GPC6: variants seen among roughly 807,000 people sequenced by gnomAD.
The protein encoded by GPC6 is glypican-6.
In GPC6, 14 loss-of-function variants were observed where a neutral mutation model predicts 55.2. The ratio of observed to expected loss-of-function variants is 0.25; its 90% CI spans 0.17 to 0.40. The LOEUF is 0.40. Among genes scored for constraint, GPC6 ranks in the 10% least tolerant of loss-of-function variants. The pLI is 1.00. For synonymous variants in GPC6, 278 were observed against 259.6 expected, an observed-to-expected ratio of 1.07 and a Z score of -0.68; for missense variants, 641 against 708.5, an observed-to-expected ratio of 0.90 and a Z score of 1.08.
intron 2 of GPC6, among the ~76,000 whole-genome samples, chr13:93,748,506 TACA>T (rs1005428794): frequency 2.6e-5 from 4 of 152,118 alleles, no homozygotes; most frequent in Non-Finnish European, 4.4e-5. Context: ...CAAAATAGTA[TACA>T]ACATTTCTAA....
At chr13:94,192,613 G>A (rs1395400436) in intron 4 of GPC6, among the ~76,000 whole-genome samples, 2 of 152,166 alleles carry the variant, frequency 1.3e-5, no homozygotes, top group Non-Finnish European at 2.9e-5. Flanking sequence ...TGTTTGTGAT[G>A]TTGACATATG....
intron 1 of GPC6, among the ~76,000 whole-genome samples, chr13:93,360,037 G>C (rs973577559): frequency 1.2e-4 from 19 of 152,106 alleles, no homozygotes; most frequent in African/African-American, 4.6e-4. Flanking sequence ...TTTTTTCAAA[G>C]GGGAAACTCA....
intron 7 of GPC6, among the ~76,000 whole-genome samples, chr13:94,395,286 A>G (rs999618565): frequency 2.6e-5 from 4 of 152,236 alleles, no homozygotes; most frequent in Admixed American, 6.5e-5. Flanking sequence ...AAAAGGCAGG[A>G]CAGAAGTTAT....
At chr13:93,585,513 C>A (rs1877151328) in intron 2 of GPC6, among the ~76,000 whole-genome samples, 1 of 152,156 alleles carries the variant, frequency 6.6e-6, no homozygotes, top group African/African-American at 2.4e-5. Context: ...TGTTTGAGAA[C>A]TGTTTGCCCT....
chr13:93,383,063 T>C (rs1457586743), intron 1 of GPC6, among the ~76,000 whole-genome samples: 1 of 152,184 alleles, frequency 6.6e-6, no homozygotes, highest in African/African-American at 2.4e-5. Context: ...CTCAGATCAA[T>C]GGGAAAGGCT....
intron 3 of GPC6, among the ~76,000 whole-genome samples, chr13:93,931,765 GAA>G (rs545578327): frequency 1.7e-3 from 85 of 49,716 alleles, no homozygotes; most frequent in African/African-American, 5.1e-3. Context: ...CTCTGTCTCA[GAA>G]AAAAAAAAAA....
chr13:94,332,151 A>T (rs947863540), intron 6 of GPC6, among the ~76,000 whole-genome samples: 2 of 152,196 alleles, frequency 1.3e-5, no homozygotes, highest in Non-Finnish European at 2.9e-5. Context: ...ATATTCAAAA[A>T]TTTAATTTTT....
At chr13:93,761,543 A>G (rs9524200) in intron 2 of GPC6, among the ~76,000 whole-genome samples, 145,562 of 152,088 alleles carry the variant, frequency 0.96, 69,695 homozygotes, top group African/African-American at 0.98. Flanking sequence ...AGACAGGGTC[A>G]TCTTGCTCTG....
Position 93,377,318 on chromosome 13 carries a change from G to T in GPC6, c.160+149702G>T, listed in dbSNP as rs1006998174. ...ACTTGGAAGGAGCAAAGTCAAAGAG[G>T]TTATGAAGCTCTACATCTTGGAGAC... On this transcript the variant is annotated intron_variant, in intron 1 of 8. Transcript: ENST00000377047. Among the ~76,000 whole-genome samples, 8 of 152,220 alleles carry T rather than the reference G, an allele frequency of 5.3e-5. No homozygotes were observed. The East Asian group carries it at 1.2e-3, about 22-fold the overall frequency.
intron 4 of GPC6, among the ~76,000 whole-genome samples, chr13:94,199,395 G>C (rs867090423): frequency 2.6e-5 from 4 of 152,264 alleles, no homozygotes; most frequent in Middle Eastern, 6.8e-3. Flanking sequence ...AGAATGAAAA[G>C]AGGTAGACTA....
chr13:94,386,996 TA>T (rs1197887435), intron 7 of GPC6, among the ~76,000 whole-genome samples: 1 of 152,232 alleles, frequency 6.6e-6, no homozygotes, highest in Admixed American at 6.5e-5. Context: ...TAGATATGTC[TA>T]TTTACTCCAG....
intron 3 of GPC6, among the ~76,000 whole-genome samples, chr13:93,886,475 G>C (rs1428891850): frequency 6.6e-6 from 1 of 151,862 alleles, no homozygotes; most frequent in Non-Finnish European, 1.5e-5. Flanking sequence ...GGAGGTATCA[G>C]GCTTAAGGTA....
intron 1 of GPC6, among the ~76,000 whole-genome samples, chr13:93,467,382 G>A (rs1156436258): frequency 6.6e-6 from 1 of 152,072 alleles, no homozygotes; most frequent in African/African-American, 2.4e-5. Flanking sequence ...CCAGGAGGGT[G>A]GTCCTGAAAG....
chr13:94,345,603 C>T (rs1281477915), intron 6 of GPC6, among the ~76,000 whole-genome samples: 1 of 152,124 alleles, frequency 6.6e-6, no homozygotes, highest in Non-Finnish European at 1.5e-5. Context: ...ATGAAAAACA[C>T]GTGGGTCTAA....
At chr13:93,467,958 G>A (rs371372318) in intron 1 of GPC6, among the ~76,000 whole-genome samples, 6 of 152,062 alleles carry the variant, frequency 3.9e-5, no homozygotes, top group East Asian at 1.9e-4. Context: ...GTGGTCTTGT[G>A]AGCTTGAATG....
intron 6 of GPC6, among the ~76,000 whole-genome samples, chr13:94,356,562 TA>T (rs1441142200): frequency 2.6e-5 from 4 of 152,352 alleles, no homozygotes; most frequent in Non-Finnish European, 5.9e-5. Context: ...CTCGCTTCTC[TA>T]ATTTACTTTA....
intron 1 of GPC6, among the ~76,000 whole-genome samples, chr13:93,233,344 CAA>C (rs199803814): frequency 3.2e-5 from 4 of 126,082 alleles, no homozygotes; most frequent in Non-Finnish European, 1.7e-5. Context: ...AGTTAGTAGC[CAA>C]AAAAAAAAAA....
chr13:93,607,617 G>T (rs1293512088), intron 2 of GPC6, among the ~76,000 whole-genome samples: 1 of 152,196 alleles, frequency 6.6e-6, no homozygotes, highest in Non-Finnish European at 1.5e-5. Flanking sequence ...GCAGAATGAT[G>T]GTGGAGGTAA....
At chr13:93,342,700 A>G (rs1320955167) in intron 1 of GPC6, among the ~76,000 whole-genome samples, 1 of 152,144 alleles carries the variant, frequency 6.6e-6, no homozygotes, top group East Asian at 1.9e-4. Flanking sequence ...AAATGAGTGG[A>G]TTTGAGATAC....
Sources: gnomAD v4.1 joint callset for allele counts (sites outside exome capture counted in the v4.1 genomes callset) on GRCh38, gnomAD v4.1.1 for gene constraint, MANE v1.5 for transcripts, NCBI Gene and HGNC (gene_info 2026-07-23, HGNC 2026-07-21) for gene names.